The following HERC1 variants were observed in gnomAD, a reference collection of about 807,000 sequenced individuals.
The protein encoded by HERC1 is HECT and RLD domain containing E3 ubiquitin protein ligase family member 1.
In HERC1, 160 loss-of-function variants were observed where a neutral mutation model predicts 554.3. The ratio of observed to expected loss-of-function variants is 0.29; its 90% CI spans 0.25 to 0.33. HERC1 has a LOEUF of 0.33. HERC1 is among the 10% of genes least tolerant of loss of function. The probability of loss-of-function intolerance (pLI) is 1.00; values close to 1 mark genes in which losing one functional copy is unlikely to be tolerated. For missense variants in HERC1, 4,919 were observed against 5,918.5 expected, an observed-to-expected ratio of 0.83 and a Z score of 5.54; for synonymous variants, 2,175 against 2,131.7, an observed-to-expected ratio of 1.02 and a Z score of -0.56.
intron 1 of HERC1, among the ~76,000 whole-genome samples, chr15:63,783,894 C>T (rs1045325021): frequency 4.6e-5 from 7 of 151,880 alleles, no homozygotes; most frequent in African/African-American, 1.2e-4. Flanking sequence ...GGTGAAACCC[C>T]GTCTCTAATA....
chr15:63,773,151 A>G (rs184556530), intron 2 of HERC1, among the ~76,000 whole-genome samples: 2 of 152,284 alleles, frequency 1.3e-5, no homozygotes, highest in East Asian at 3.9e-4. Flanking sequence ...CGAAAAGACT[A>G]ATCAATGTAG....
At chr15:63,779,236 A>G (rs993606991) in intron 1 of HERC1, among the ~76,000 whole-genome samples, 1 of 152,144 alleles carries the variant, frequency 6.6e-6, no homozygotes, top group African/African-American at 2.4e-5. Context: ...TCTAAAATAG[A>G]AAAAATATCT....
chr15:63,629,823 G>T (rs1024442362), intron 69 of HERC1, among the ~76,000 whole-genome samples: 1 of 152,162 alleles, frequency 6.6e-6, no homozygotes, highest in African/African-American at 2.4e-5. Context: ...TTTGGAGGAA[G>T]GGGAAGTGGC....
rs2076145015 is a variant in HERC1, at chr15:63,777,325, A to T, written c.-26-1676T>A. On this transcript the variant is annotated intron_variant, in intron 1 of 77. Transcript: ENST00000443617. ...AAAGTATGCACTTAAGAGGGGGGAA[A>T]ATCATGATCCTCCATCCCACCCTGA... Among the ~76,000 whole-genome samples, 3 of 152,202 alleles carry T rather than the reference A, an allele frequency of 2.0e-5. No individual in the cohort carries two copies. In the South Asian group the frequency reaches 6.2e-4, roughly 31 times the overall value.
chr15:63,749,452 C>G lies in HERC1; in HGVS notation c.2134G>C (p.Val712Leu), dbSNP rs746498512. The G allele has an allele frequency of 2.5e-6, 4 of 1,613,726 alleles. No individual in the cohort carries two copies. Among genetic ancestry groups the G allele is most frequent in the Non-Finnish European group, 3.4e-6 (4 of 1,179,772 alleles). The change falls in exon 10 of 78, where the codon GTG becomes CTG. Residue 712 changes from valine (V) to leucine (L), a missense_variant. Val to Leu is a conservative substitution (Grantham distance 32). Around this residue, in one of 11 missense-constraint regions of HERC1, gnomAD observed 744 missense variants for 1,090.0 expected, o/e 0.68. Coordinates refer to ENST00000443617, the MANE Select transcript of HERC1 (RefSeq NM_003922.4). This position sits in a 1 kb window ranked among gnomAD's most constrained non-coding sequence, Gnocchi z 4.1. ...STGPITKPKK[V>L]SGLDGIAIQQ... ...ATAGCTATGCCATCTAAGCCACTCACTTTCTTTGGTTTAGTAATAGGACCT... is the reference window on the plus strand; with the variant it reads ...ATAGCTATGCCATCTAAGCCACTCAGTTTCTTTGGTTTAGTAATAGGACCT...
chr15:63,729,892 G>A (rs909157416), intron 14 of HERC1, among the ~76,000 whole-genome samples: 7 of 151,824 alleles, frequency 4.6e-5, no homozygotes, highest in African/African-American at 7.3e-5. Context: ...AGGCGTGGTG[G>A]TGGGTGCCTG....
rs2068499671 is a variant in HERC1, at chr15:63,630,493, A to G, written c.12939T>C (p.Tyr4313=). The part of the protein sequence containing the change: ...TLALASNGDV[Y]AWGSNSEGQL... ...GCCCTTCTGAATTGCTCCCCCAGGCATACACATCTCCATTTGATGCCAAAG... is the reference window on the plus strand; with the variant it reads ...GCCCTTCTGAATTGCTCCCCCAGGCGTACACATCTCCATTTGATGCCAAAG... The change falls in exon 69 of 78, where the codon TAT becomes TAC. Residue 4313 remains tyrosine, a synonymous_variant. Coordinates refer to ENST00000443617, the MANE Select transcript of HERC1 (RefSeq NM_003922.4). The G allele has an allele frequency of 6.2e-7, 1 of 1,613,898 alleles. No homozygotes were observed. Among genetic ancestry groups the G allele is most frequent in the Non-Finnish European group, 8.5e-7 (1 of 1,179,848 alleles).
intron 30 of HERC1, 73 bp downstream of exon 30, chr15:63,693,891 T>C: frequency 7.0e-7 from 1 of 1,431,762 alleles, no homozygotes; most frequent in Non-Finnish European, 9.4e-7. Flanking sequence ...GAACTCTACA[T>C]CCTAATCATA....
Position 63,641,598 on chromosome 15 carries a change from G to A in HERC1, c.11479C>T (p.His3827Tyr). 6.3e-7 allele frequency: 1 copy of A among 1,589,584 alleles called. No homozygotes were observed. Among genetic ancestry groups the A allele is most frequent in the Non-Finnish European group, 8.6e-7 (1 of 1,166,490 alleles). The change falls in exon 60 of 78, where the codon CAT becomes TAT. Residue 3827 changes from histidine (H) to tyrosine (Y), a missense_variant. Physicochemically the swap from His to Tyr is moderately conservative, Grantham distance 83 (BLOSUM62 2). Transcript: ENST00000443617. The stretch of plus-strand genomic sequence containing the variant: ...GCTGTCCTACAGGTTGCCAAAACAT[G>A]ATTGGCAGCTGCCCATTCTGCTGTA... ...NCTAEWAAAN[H>Y]VLATCRTALK...
rs745415237 is a variant in HERC1 at position 63,651,239 on chromosome 15, T to C, written c.10546+14A>G. The C allele has an allele frequency of 5.6e-6, 9 of 1,613,206 alleles. No homozygotes were observed. The highest frequency in any genetic ancestry group is 5.5e-5 in the South Asian group (5 of 91,028). The stretch of plus-strand genomic sequence containing the variant: ...CTACTTTCAGCAGTTTACTAGTGTT[T>C]ACATGACTCTTACCATTAACTTGCC... On this transcript the variant is annotated intron_variant, in intron 53 of 77. Transcript: ENST00000443617.
rs200639203 is a variant in HERC1, at chr15:63,633,962, A to G, written c.12579T>C (p.Cys4193=). ...ACACTGCCAAAGTGTGGTTTAATCCACAGGCCACCTAAAGAAATAACAGCA... is the reference window on the plus strand; with the variant it reads ...ACACTGCCAAAGTGTGGTTTAATCCGCAGGCCACCTAAAGAAATAACAGCA... ...LEGYQIGQVA[C]GLNHTLAVSA... Residue 4193 remains cysteine (C), a synonymous_variant, in exon 67 of 78, where the codon TGT becomes TGC. Transcript: ENST00000443617. 2.7e-5 allele frequency: 44 copies of G among 1,613,902 alleles called. No homozygotes were observed. The East Asian group carries it at 9.6e-4, about 35-fold the overall frequency.
intron 77 of HERC1, among the ~76,000 whole-genome samples, chr15:63,610,632 C>T (rs2067543188): frequency 6.6e-6 from 1 of 152,234 alleles, no homozygotes; most frequent in Admixed American, 6.5e-5. Flanking sequence ...TATAATCCTT[C>T]CTGCACGTGG....
In HERC1 at chr15:63,662,990, A is replaced by C; in HGVS notation, c.8895T>G (p.Pro2965=). 6.2e-7 allele frequency: 1 copy of C among 1,613,450 alleles called. No individual in the cohort carries two copies. The highest frequency in any genetic ancestry group is 2.2e-5 in the East Asian group (1 of 44,878). The change falls in exon 44 of 78, where the codon CCT becomes CCG. Residue 2965 remains proline (P), a synonymous_variant. Transcript: ENST00000443617. ...CCGCTGCAGTCACACACACCCAGGT[A>C]GGCCAATCCAGTACCTCTGGGATCC... ...GMWIPEVLDW[P]TWHVCESEDR...
rs533842379 is a variant in HERC1 at position 63,695,044 on chromosome 15, AT to A, written c.5122-151del. On this transcript the variant is annotated intron_variant, in intron 27 of 77. Transcript: ENST00000443617. ...TATTTCATATATAAAGTATATAATA[AT>A]TTTTTTTTGAGGCAGGGTCTTGCTG... The A allele has an allele frequency of 1.7e-3, 1,074 of 614,102 alleles. 6 individuals are homozygous for A. Among genetic ancestry groups the A allele is most frequent in the African/African-American group, 7.8e-3 (403 of 51,428 alleles). 38.0% of individuals were successfully genotyped at this position (614,102 alleles called of 1,614,324 possible). A position where few individuals can be genotyped will look rare whatever the true frequency, so the allele number is the denominator to read the frequency against.
At chr15:63,717,592 G>A (rs938723333) in intron 21 of HERC1, among the ~76,000 whole-genome samples, 3 of 152,166 alleles carry the variant, frequency 2.0e-5, no homozygotes, top group Non-Finnish European at 2.9e-5. Context: ...GGTGGCTCAC[G>A]CCTATAATCC....
chr15:63,698,132 A>T (rs2072528445), intron 26 of HERC1, among the ~76,000 whole-genome samples: 1 of 151,992 alleles, frequency 6.6e-6, no homozygotes, highest in Non-Finnish European at 1.5e-5. Context: ...ATGAAGGCTC[A>T]GGGCCAGGAG....
At position 63,645,108 on chromosome 15, in the gene HERC1, T is replaced by A. The variant is rs556903539; in HGVS notation, c.11079-11A>T. The A allele has an allele frequency of 1.2e-6, 2 of 1,609,112 alleles. No homozygotes were observed. The highest frequency in any genetic ancestry group is 1.7e-6 in the Non-Finnish European group (2 of 1,175,708). ...CCACTCTGACAGCCACTTAAAAAAA[T>A]TGATCACATAAAACCAAAACATGTC... On this transcript the variant is annotated splice_polypyrimidine_tract_variant and intron_variant, in intron 56 of 77. Coordinates refer to ENST00000443617, the MANE Select transcript of HERC1 (RefSeq NM_003922.4).
At chr15:63,696,455 A>C in intron 26 of HERC1, 116 bp from the exon 27 acceptor site, 2 of 662,218 alleles carry the variant, frequency 3.0e-6, no homozygotes. Context: ...ATATGAATCT[A>C]TTCTAAGATA....
chr15:63,819,849 C>T (rs2077623914), intron 1 of HERC1, among the ~76,000 whole-genome samples: 1 of 152,202 alleles, frequency 6.6e-6, no homozygotes. Flanking sequence ...CAGTCTGCAT[C>T]ACTTTCTAGC....
Sources: allele counts gnomAD v4.1 joint callset (sites outside exome capture counted in the v4.1 genomes callset), GRCh38; gene constraint gnomAD v4.1.1; regional missense constraint gnomAD v4.1.1; non-coding constraint Gnocchi (gnomAD v3.1); transcripts MANE v1.5; gene names NCBI Gene and HGNC (gene_info 2026-07-23, HGNC 2026-07-21).